ABCA5: variants seen among roughly 807,000 people sequenced by gnomAD.
ABCA5 encodes the protein ATP binding cassette subfamily A member 5.
A neutral mutation model predicts 206.0 loss-of-function variants in ABCA5; 163 were observed. The ratio of observed to expected loss-of-function variants is 0.79; its 90% CI spans 0.70 to 0.90. ABCA5 has a LOEUF of 0.90. Among genes scored for constraint, ABCA5 ranks in the 40% least tolerant of loss-of-function variants. ABCA5 has a pLI of 0.00. For missense variants in ABCA5, 1,859 were observed against 1,912.9 expected (o/e 0.97, Z 0.53); for synonymous variants, 609 against 613.8 (o/e 0.99, Z 0.11).
intron 28 of ABCA5, among the ~76,000 whole-genome samples, chr17:69,258,078 A>G (rs2075103335): frequency 6.6e-6 from 1 of 152,214 alleles, no homozygotes; most frequent in African/African-American, 2.4e-5. Context: ...GAAAAGAAAG[A>G]GATAAGAAGG....
intron 9 of ABCA5, among the ~76,000 whole-genome samples, chr17:69,298,578 A>G (rs1297912047): frequency 1.3e-5 from 2 of 152,190 alleles, no homozygotes; most frequent in African/African-American, 2.4e-5. Context: ...CAAGCAAACA[A>G]AAACATAAAT....
Position 69,253,358 on chromosome 17 carries a change from G to A in ABCA5, c.4415+215C>T, listed in dbSNP as rs545945786. On this transcript the variant is annotated intron_variant, in intron 34 of 38. Transcript: ENST00000392676. ...AATGACTCATGCTTATTTCTGTTTC[G>A]GAATATGTAAAATATTATGAACACT... Among the ~76,000 whole-genome samples, 8 of 152,032 alleles carry A rather than the reference G, an allele frequency of 5.3e-5. No individual in the cohort carries two copies. The East Asian group carries it at 7.7e-4, about 15-fold the overall frequency.
intron 8 of ABCA5, among the ~76,000 whole-genome samples, chr17:69,301,967 C>T (rs557189177): frequency 1.4e-4 from 21 of 152,252 alleles, no homozygotes; most frequent in Admixed American, 3.3e-4. Context: ...CTAGAGAACG[C>T]GGACTCGGGG....
rs201100083 is a variant in ABCA5 at position 69,274,147 on chromosome 17, C to A, written c.2595-19G>T. On this transcript the variant is annotated intron_variant, in intron 19 of 38. Transcript: ENST00000392676. The stretch of plus-strand genomic sequence containing the variant: ...AAGCAACCTGAAAAGAAAAAAAAAA[C>A]AACACAGCTCAGGGTACAAAGGTAC... 328 of 1,534,140 alleles carry A rather than the reference C, an allele frequency of 2.1e-4. No individual in the cohort carries two copies. In the East Asian group the frequency reaches 4.0e-3, roughly 19 times the overall value.
chr17:69,282,179 A>T (rs1052602104), intron 18 of ABCA5, among the ~76,000 whole-genome samples: 1 of 152,152 alleles, frequency 6.6e-6, no homozygotes, highest in Non-Finnish European at 1.5e-5. Flanking sequence ...TCTTCACAGC[A>T]ATTGACAAAT....
At chr17:69,255,664 A>T (rs987664556) in intron 30 of ABCA5, 30 bp from the exon 31 acceptor site, 4 of 1,574,002 alleles carry the variant, frequency 2.5e-6, no homozygotes, top group Admixed American at 2.1e-5. Context: ...AAAAAATCAT[A>T]ATCAAATCAT....
Position 69,248,303 on chromosome 17 carries a change from C to T in ABCA5, c.4780G>A (p.Ala1594Thr). The change falls in exon 38 of 39, where the codon GCC (alanine) becomes ACC (threonine). Residue 1594 changes from alanine (A) to threonine (T), a missense_variant. By Grantham distance (58) the Ala-to-Thr change is moderately conservative (BLOSUM62 0). Coordinates refer to ENST00000392676, the MANE Select transcript of ABCA5 (RefSeq NM_172232.4). ...TGAGAAAAGCTATATTCTTCAATGG[C>T]AAAAGCATGTTTAGCTATTAAAATA... ...FKLEEAKHAF[A>T]IEEYSFSQAT... The T allele has an allele frequency of 6.4e-7, 1 of 1,566,976 alleles. No homozygotes were observed. The highest frequency in any genetic ancestry group is 8.7e-7 in the Non-Finnish European group (1 of 1,147,652).
chr17:69,268,020 A>G lies in ABCA5; in HGVS notation c.3067T>C (p.Phe1023Leu). 1.9e-6 allele frequency: 3 copies of G among 1,607,852 alleles called. No individual in the cohort carries two copies. The highest frequency in any genetic ancestry group is 2.6e-6 in the Non-Finnish European group (3 of 1,175,246). Reference sequence around the variant, plus strand: ...ATGATTCCAAGCAAAGCTGCTTGAAAATACAGCTCAATTTTAAAAACTATA... The same window carrying G: ...ATGATTCCAAGCAAAGCTGCTTGAAGATACAGCTCAATTTTAAAAACTATA... Reference protein sequence around the residue: ...TDIVFKIELYFQAALLGIIVT... With the variant: ...TDIVFKIELYLQAALLGIIVT... The change falls in exon 23 of 39, where the codon TTT (phenylalanine) becomes CTT (leucine). Residue 1023 changes from phenylalanine (F) to leucine (L), a missense_variant. Phe to Leu is a conservative substitution (Grantham distance 22). Coordinates refer to ENST00000392676, the MANE Select transcript of ABCA5 (RefSeq NM_172232.4).
chr17:69,316,634 T>C (rs1388568102), intron 1 of ABCA5, among the ~76,000 whole-genome samples: 1 of 149,820 alleles, frequency 6.7e-6, no homozygotes, highest in Non-Finnish European at 1.5e-5. Flanking sequence ...GGCTGAAAAC[T>C]TCCAATTTAG....
At chr17:69,250,103 T>A (rs903979257) in intron 36 of ABCA5, 119 bp from the exon 37 acceptor site, 3 of 669,054 alleles carry the variant, frequency 4.5e-6, no homozygotes. Flanking sequence ...TGGTATTTAG[T>A]TGGATGAAAA....
chr17:69,269,958 A>AT (rs1282335826), intron 22 of ABCA5, among the ~76,000 whole-genome samples: 1 of 151,768 alleles, frequency 6.6e-6, no homozygotes, highest in African/African-American at 2.4e-5. Context: ...TATAAGGGTT[A>AT]TTTTTTTTGG....
chr17:69,283,197 T>C (rs2075415249), intron 18 of ABCA5, among the ~76,000 whole-genome samples: 1 of 151,954 alleles, frequency 6.6e-6, no homozygotes, highest in East Asian at 1.9e-4. Context: ...TTGCCAAGAC[T>C]GGTCTGGAAC....
In ABCA5 at chr17:69,253,663, C is replaced by A. The variant is rs757572144; in HGVS notation, c.4325G>T (p.Cys1442Phe). Residue 1442 changes from cysteine (C) to phenylalanine (F), a missense_variant, in exon 34 of 39, where the codon TGT becomes TTT. By Grantham distance (205) the Cys-to-Phe change is radical. Coordinates refer to ENST00000392676, the MANE Select transcript of ABCA5 (RefSeq NM_172232.4). ...KLPAGIKRKL[C>F]FALSMLGNPQ... is the part of the protein sequence containing the mutation. ...ATTCCCTAGCATACTTAGAGCAAAA[C>A]ACAACTACATGGAAAGAAAAAGATG... 4.3e-6 allele frequency: 7 copies of A among 1,613,160 alleles called. No individual in the cohort carries two copies. The highest frequency in any genetic ancestry group is 5.9e-6 in the Non-Finnish European group (7 of 1,179,374).
intron 38 of ABCA5, 84 bp from the exon 39 acceptor site, chr17:69,247,728 G>A: frequency 1.5e-6 from 1 of 662,384 alleles, no homozygotes; most frequent in South Asian, 2.2e-5. Flanking sequence ...AATGGTACAA[G>A]GCTATATCTA....
rs1161263585 is a variant in ABCA5 at position 69,288,037 on chromosome 17, T to C, written c.1903-286A>G. Among the ~76,000 whole-genome samples the C allele has an allele frequency of 2.0e-5, 3 of 152,198 alleles. 1 individual carries two copies. Among genetic ancestry groups the C allele is most frequent in the Non-Finnish European group, 4.4e-5 (3 of 68,038 alleles). Reference sequence around the variant, plus strand: ...AACTAAAAACAAAACATTAAGTATATTGCTATTATCCTTAACAATTAAATT... The same window carrying C: ...AACTAAAAACAAAACATTAAGTATACTGCTATTATCCTTAACAATTAAATT... On this transcript the variant is annotated intron_variant, in intron 14 of 38. Coordinates refer to ENST00000392676, the MANE Select transcript of ABCA5 (RefSeq NM_172232.4).
Position 69,306,876 on chromosome 17 carries a change from T to G in ABCA5, c.637A>C (p.Ile213Leu). ...ATTACTCCTCGGGGAAAGGTATCTATTTCTACAACAGCAGTTTCTCCCATA... is the reference window on the plus strand; with the variant it reads ...ATTACTCCTCGGGGAAAGGTATCTAGTTCTACAACAGCAGTTTCTCCCATA... ...VIMGETAVVE[I>L]DTFPRGVILI... Residue 213 changes from isoleucine to leucine, a missense_variant, in exon 6 of 39, where the codon ATA (isoleucine) becomes CTA (leucine). By Grantham distance (5) the Ile-to-Leu change is conservative. Coordinates refer to ENST00000392676, the MANE Select transcript of ABCA5 (RefSeq NM_172232.4). 6.2e-7 allele frequency: 1 copy of G among 1,601,672 alleles called. No homozygotes were observed. The highest frequency in any genetic ancestry group is 1.7e-5 in the Admixed American group (1 of 58,868).
intron 18 of ABCA5, among the ~76,000 whole-genome samples, chr17:69,279,946 G>A (rs932965277): frequency 1.3e-5 from 2 of 152,146 alleles, no homozygotes; most frequent in Non-Finnish European, 2.9e-5. Flanking sequence ...GAAAACCTAG[G>A]CATTACCATT....
intron 1 of ABCA5, chr17:69,314,681 T>C (rs1041818088): frequency 8.9e-6 from 3 of 336,500 alleles, no homozygotes; most frequent in African/African-American, 6.3e-5. Flanking sequence ...GTACTTTTTC[T>C]CCTTTGGTAT....
chr17:69,299,396 T>C (rs753806354), intron 9 of ABCA5, among the ~76,000 whole-genome samples: 5 of 151,256 alleles, frequency 3.3e-5, no homozygotes, highest in Non-Finnish European at 7.4e-5. Context: ...AATTCACAAT[T>C]ACAAAAATAT....
Sources: allele counts gnomAD v4.1 joint callset (sites outside exome capture counted in the v4.1 genomes callset), GRCh38; gene constraint gnomAD v4.1.1; transcripts MANE v1.5; gene names NCBI Gene and HGNC (gene_info 2026-07-23, HGNC 2026-07-21).